The following YIPF6 variants were observed in gnomAD, a reference collection of about 807,000 sequenced individuals.
YIPF6 encodes the protein Yip1 domain family member 6.
A neutral mutation model predicts 16.8 loss-of-function variants in YIPF6; 3 were observed. The observed-to-expected ratio is 0.18, with a 90% CI of 0.08 to 0.46. The LOEUF is 0.46. YIPF6 is among the 20% of genes least tolerant of loss of function. YIPF6 has a pLI of 0.98. For missense variants in YIPF6, 145 were observed against 184.9 expected, an observed-to-expected ratio of 0.78 and a Z score of 1.25; for synonymous variants, 67 against 61.9, an observed-to-expected ratio of 1.08 and a Z score of -0.38.
rs2079182703 is a variant in YIPF6, at chrX:68,534,217, A to AT, written c.*2222dup. 9.1e-6 allele frequency: 1 copy of AT among 110,481 alleles called. No individual in the cohort carries two copies. Among genetic ancestry groups the AT allele is most frequent in the African/African-American group, 3.3e-5 (1 of 30,379 alleles). 9.1% of individuals were successfully genotyped at this position (110,481 alleles called of 1,213,427 possible). The stretch of plus-strand genomic sequence containing the variant: ...GCCTACGAAATATTTCGCTTTTATT[A>AT]TTTTCACATCATTCTAGTATATGGA... On this transcript the variant is annotated 3_prime_UTR_variant, in exon 7 of 7. Transcript: ENST00000462683.
At chrX:68,521,587 T>A (rs1350970385) in intron 5 of YIPF6, 90 bp downstream of exon 5, 16 of 1,019,074 alleles carry the variant, frequency 1.6e-5, no homozygotes, top group Non-Finnish European at 2.1e-5. Flanking sequence ...TTTTTTTTTT[T>A]TTTTGAGACA....
rs145003459 is a variant in YIPF6, at chrX:68,531,664, A to G, written c.593-217A>G. On this transcript the variant is annotated intron_variant, in intron 6 of 6. Coordinates refer to ENST00000462683, the MANE Select transcript of YIPF6 (RefSeq NM_173834.4). The stretch of plus-strand genomic sequence containing the variant: ...CTCCTTTTAGAAAGATTTCCATCCA[A>G]AATGGTTTAGTACTTGAAATAAGTC... 2.9e-3 allele frequency among the ~76,000 whole-genome samples: 324 copies of G among 111,990 alleles called. 2 individuals are homozygous for G. The highest frequency in any genetic ancestry group is 5.2e-3 in the Non-Finnish European group (276 of 53,223).
At chrX:68,506,830 G>A (rs372462798) in intron 1 of YIPF6, among the ~76,000 whole-genome samples, 4 of 111,440 alleles carry the variant, frequency 3.6e-5, no homozygotes, top group Non-Finnish European at 7.5e-5. Flanking sequence ...AGCACCCGCA[G>A]CCTTCAACTT....
intron 2 of YIPF6, 55 bp from the exon 3 acceptor site, chrX:68,513,272 A>C (rs1017980543): frequency 2.8e-4 from 282 of 1,010,867 alleles, no homozygotes; most frequent in Non-Finnish European, 3.4e-4. Flanking sequence ...CAAATTAAGT[A>C]AGGCTGCTGG....
At chrX:68,517,649 G>A (rs765076409) in intron 3 of YIPF6, among the ~76,000 whole-genome samples, 2 of 112,135 alleles carry the variant, frequency 1.8e-5, no homozygotes, top group Non-Finnish European at 1.9e-5. Flanking sequence ...CAGTATGACA[G>A]AGTGGCAAGA....
chrX:68,505,929 A>G (rs1254966436), intron 1 of YIPF6, among the ~76,000 whole-genome samples: 2 of 111,725 alleles, frequency 1.8e-5, no homozygotes, highest in African/African-American at 3.3e-5. Context: ...ACTATTACCT[A>G]TAGACCATAT....
intron 1 of YIPF6, among the ~76,000 whole-genome samples, chrX:68,508,405 A>C (rs754106133): frequency 8.9e-6 from 1 of 111,869 alleles, no homozygotes; most frequent in African/African-American, 3.2e-5. Flanking sequence ...CGGTTAGCCT[A>C]TATCTCTTCA....
intron 1 of YIPF6, among the ~76,000 whole-genome samples, chrX:68,502,467 A>G (rs1054400790): frequency 9.0e-6 from 1 of 111,368 alleles, no homozygotes; most frequent in African/African-American, 3.3e-5. Context: ...CTCCCTGGAG[A>G]TGCTGCTGCT....
At position 68,511,849 on chromosome X, in the gene YIPF6, T is replaced by A; in HGVS notation, c.58T>A (p.Phe20Ile). 1.7e-6 allele frequency: 2 copies of A among 1,197,947 alleles called. No homozygotes were observed. The highest frequency in any genetic ancestry group is 2.2e-6 in the Non-Finnish European group (2 of 890,935). ...CTTTTTTTCCCCTGACTCTTCTCAG[T>A]TTGCAGGCCTTTCAGATATATCCAT... Reference protein sequence around the residue: ...DPGTASPRPLFAGLSDISISQ... With the variant: ...DPGTASPRPLIAGLSDISISQ... Residue 20 changes from phenylalanine to isoleucine, a missense_variant and splice_region_variant, in exon 2 of 7, where the codon TTT (phenylalanine) becomes ATT (isoleucine). Coordinates refer to ENST00000462683, the MANE Select transcript of YIPF6 (RefSeq NM_173834.4).
In YIPF6 at chrX:68,534,620, T is replaced by C. The variant is rs938967075; in HGVS notation, c.*2621T>C. On this transcript the variant is annotated 3_prime_UTR_variant, in exon 7 of 7. Transcript: ENST00000462683. ...GAAGGTTGATAAAATGGATGTTCAATTGTCTTTCTGAAAGTGAGTGGCTTG... is the reference window on the plus strand; with the variant it reads ...GAAGGTTGATAAAATGGATGTTCAACTGTCTTTCTGAAAGTGAGTGGCTTG... 1.4e-4 allele frequency: 16 copies of C among 111,674 alleles called. 1 individual carries two copies. Among genetic ancestry groups the C allele is most frequent in the African/African-American group, 5.2e-4 (16 of 30,779 alleles). 9.2% of individuals were successfully genotyped at this position (111,674 alleles called of 1,213,427 possible).
intron 1 of YIPF6, among the ~76,000 whole-genome samples, chrX:68,508,183 C>T (rs1194004534): frequency 9.2e-6 from 1 of 108,154 alleles, no homozygotes; most frequent in Non-Finnish European, 1.9e-5. Context: ...CTCTGCAAGC[C>T]TCGACCTCCT....
intron 6 of YIPF6, among the ~76,000 whole-genome samples, chrX:68,523,538 A>G (rs1213103193): frequency 9.2e-6 from 1 of 108,941 alleles, no homozygotes; most frequent in Non-Finnish European, 1.9e-5. Context: ...ATTATATAGC[A>G]CTTTTCTGCT....
chrX:68,535,076 G>A lies in YIPF6; in HGVS notation c.*3077G>A, dbSNP rs772132090. 6.2e-5 allele frequency: 7 copies of A among 112,526 alleles called. No individual in the cohort carries two copies. Among genetic ancestry groups the A allele is most frequent in the Admixed American group, 1.9e-4 (2 of 10,634 alleles). 9.3% of individuals were successfully genotyped at this position (112,526 alleles called of 1,213,427 possible). The stretch of plus-strand genomic sequence containing the variant: ...TGCAGTAAAGTCTTAAAAGTCAACC[G>A]TTAATCATTAAGTCTTTTGCCTCTA... On this transcript the variant is annotated 3_prime_UTR_variant, in exon 7 of 7. Transcript: ENST00000462683.
rs2079174799 is a variant in YIPF6 at position 68,532,346 on chromosome X, A to G, written c.*347A>G. On this transcript the variant is annotated 3_prime_UTR_variant, in exon 7 of 7. Coordinates refer to ENST00000462683, the MANE Select transcript of YIPF6 (RefSeq NM_173834.4). ...TAGATACATCTTACAAGTTGAATAG[A>G]GTTGATAACTATTTTCAGTTTTGAG... 2 of 132,174 alleles carry G rather than the reference A, an allele frequency of 1.5e-5. No individual in the cohort carries two copies. The highest frequency in any genetic ancestry group is 8.8e-5 in the Admixed American group (1 of 11,347). The allele number at this position is 132,174 out of a possible 1,213,427, so 10.9% of individuals were successfully genotyped here. A position where few individuals can be genotyped will look rare whatever the true frequency, so the allele number is the denominator to read the frequency against.
rs1857215296 is a variant in YIPF6, at chrX:68,507,430, TA to T, written c.58-4418del. On this transcript the variant is annotated intron_variant, in intron 1 of 6. Coordinates refer to ENST00000462683, the MANE Select transcript of YIPF6 (RefSeq NM_173834.4). ...CTTTTGCTTGTCTGAAAAACGTTTT[TA>T]CTTTGACTTTATTTTTAATAGTTAT... Among the ~76,000 whole-genome samples, 4 of 111,602 alleles carry T rather than the reference TA, an allele frequency of 3.6e-5. No homozygotes were observed. The Admixed American group carries it at 3.8e-4, about 11-fold the overall frequency.
intron 6 of YIPF6, among the ~76,000 whole-genome samples, chrX:68,526,590 G>T (rs925722373): frequency 9.0e-6 from 1 of 111,678 alleles, no homozygotes; most frequent in African/African-American, 3.3e-5. Flanking sequence ...TGCCCATTAA[G>T]TATGATATTG....
chrX:68,530,136 G>C (rs2079165283), intron 6 of YIPF6, among the ~76,000 whole-genome samples: 1 of 111,939 alleles, frequency 8.9e-6, no homozygotes, highest in South Asian at 3.7e-4. Flanking sequence ...GACTGGGGCT[G>C]CTGACTTTCT....
Position 68,535,701 on chromosome X carries a change from G to T in YIPF6, c.*3702G>T, listed in dbSNP as rs777526873. 1 of 111,470 alleles carries T rather than the reference G, an allele frequency of 9.0e-6. No individual in the cohort carries two copies. The highest frequency in any genetic ancestry group is 3.8e-4 in the South Asian group (1 of 2,617). The allele number at this position is 111,470 out of a possible 1,213,427, so 9.2% of individuals were successfully genotyped here. On this transcript the variant is annotated 3_prime_UTR_variant, in exon 7 of 7. Transcript: ENST00000462683. ...AATAATAATAGCTAACCTTTATTTGGCACTTACTGTGTGCCAGGCACTATT... is the reference window on the plus strand; with the variant it reads ...AATAATAATAGCTAACCTTTATTTGTCACTTACTGTGTGCCAGGCACTATT...
Position 68,532,823 on chromosome X carries a change from T to C in YIPF6, c.*824T>C, listed in dbSNP as rs1339690317. 8.9e-6 allele frequency: 1 copy of C among 112,143 alleles called. No homozygotes were observed. The highest frequency in any genetic ancestry group is 2.8e-4 in the East Asian group (1 of 3,590). The allele number at this position is 112,143 out of a possible 1,213,427, so 9.2% of individuals were successfully genotyped here. A position where few individuals can be genotyped will look rare whatever the true frequency, so the allele number is the denominator to read the frequency against. On this transcript the variant is annotated 3_prime_UTR_variant, in exon 7 of 7. Transcript: ENST00000462683. ...CTGGAACTTATCCAAAAAGAAGACC[T>C]CAGAAACTTAGATTGGTAGATCTCT... is the stretch of plus-strand genomic sequence containing the variant.
Sources: allele counts gnomAD v4.1 joint callset (sites outside exome capture counted in the v4.1 genomes callset), GRCh38; gene constraint gnomAD v4.1.1; transcripts MANE v1.5; gene names NCBI Gene and HGNC (gene_info 2026-07-23, HGNC 2026-07-21).